B3GALT1: variants seen among roughly 807,000 people sequenced by gnomAD.
B3GALT1 encodes beta-1,3-galactosyltransferase 1, also known as UDP-Gal:betaGlcNAc beta 1,3-galactosyltransferase, polypeptide 1.
In B3GALT1, 10 loss-of-function variants were observed where a neutral mutation model predicts 23.2. The ratio of observed to expected loss-of-function variants is 0.43; its 90% CI spans 0.27 to 0.73. The LOEUF (loss-of-function observed/expected upper bound fraction) is 0.73, where lower values mean the gene tolerates loss of function less well. B3GALT1 is among the 30% of genes least tolerant of loss of function. The pLI is 0.21. For synonymous variants in B3GALT1, 156 were observed against 141.5 expected (o/e 1.10, Z -0.73); for missense variants, 299 against 405.4 (o/e 0.74, Z 2.25).
chr2:167,730,433 T>C (rs961927709), intron 3 of B3GALT1, among the ~76,000 whole-genome samples: 6 of 152,218 alleles, frequency 3.9e-5, no homozygotes, highest in Non-Finnish European at 7.3e-5. Context: ...TACCTAATAT[T>C]TGTCTAGTAC....
intron 3 of B3GALT1, among the ~76,000 whole-genome samples, chr2:167,662,948 G>T (rs1345587991): frequency 9.3e-5 from 14 of 151,182 alleles, no homozygotes; most frequent in African/African-American, 3.4e-4. Context: ...TTTTTTTATT[G>T]TATTTTCTTT....
At chr2:167,450,292 A>G (rs951238503) in intron 1 of B3GALT1, among the ~76,000 whole-genome samples, 2 of 151,240 alleles carry the variant, frequency 1.3e-5, no homozygotes, top group Non-Finnish European at 2.9e-5. Context: ...GTCTAGTTAT[A>G]GTTTCTGTTT....
intron 3 of B3GALT1, among the ~76,000 whole-genome samples, chr2:167,776,644 T>C (rs576382559): frequency 6.6e-6 from 1 of 152,308 alleles, no homozygotes; most frequent in East Asian, 1.9e-4. Flanking sequence ...ACACACTGTT[T>C]GGCAAACATG....
chr2:167,790,184 A>G (rs1386725006), intron 3 of B3GALT1, among the ~76,000 whole-genome samples: 4 of 152,118 alleles, frequency 2.6e-5, no homozygotes, highest in Non-Finnish European at 5.9e-5. Flanking sequence ...CTCTCCTTTT[A>G]CATATCTACT....
intron 2 of B3GALT1, among the ~76,000 whole-genome samples, chr2:167,563,006 T>C (rs1011536043): frequency 2.6e-5 from 4 of 152,050 alleles, no homozygotes; most frequent in Non-Finnish European, 5.9e-5. Context: ...CAGAAGAACC[T>C]CTCTCAGTAC....
At chr2:167,484,917 A>G (rs575111268) in intron 1 of B3GALT1, among the ~76,000 whole-genome samples, 1 of 152,210 alleles carries the variant, frequency 6.6e-6, no homozygotes, top group Non-Finnish European at 1.5e-5. Flanking sequence ...GCAGTCTGTC[A>G]TGTGATGCTA....
chr2:167,527,036 A>G (rs1016885147), intron 2 of B3GALT1, among the ~76,000 whole-genome samples: 1 of 152,150 alleles, frequency 6.6e-6, no homozygotes, highest in Non-Finnish European at 1.5e-5. Flanking sequence ...ATCTTCTAAT[A>G]TATTTCCTTA....
chr2:167,847,889 A>G (rs1689794616), intron 4 of B3GALT1, among the ~76,000 whole-genome samples: 1 of 152,190 alleles, frequency 6.6e-6, no homozygotes, highest in East Asian at 1.9e-4. Flanking sequence ...TAACCTCACT[A>G]AGAAACAAAA....
At chr2:167,332,040 C>T (rs904978772) in intron 1 of B3GALT1, among the ~76,000 whole-genome samples, 1 of 152,200 alleles carries the variant, frequency 6.6e-6, no homozygotes, top group African/African-American at 2.4e-5. Context: ...TGCCATGCTG[C>T]TTCTGCCCTA....
At chr2:167,313,286 G>C (rs760802493) in intron 1 of B3GALT1, among the ~76,000 whole-genome samples, 43 of 152,084 alleles carry the variant, frequency 2.8e-4, no homozygotes, top group Admixed American at 8.5e-4. Flanking sequence ...AAGGCAGAGG[G>C]CATATTTTGA....
At chr2:167,822,242 A>G (rs1324001258) in intron 4 of B3GALT1, among the ~76,000 whole-genome samples, 1 of 152,242 alleles carries the variant, frequency 6.6e-6, no homozygotes, top group Non-Finnish European at 1.5e-5. Context: ...AGAGTTCTCT[A>G]AAAAATAAAT....
chr2:167,590,345 CAAAAA>C (rs397873377), intron 2 of B3GALT1, among the ~76,000 whole-genome samples: 2 of 78,270 alleles, frequency 2.6e-5, no homozygotes, highest in Non-Finnish European at 2.6e-5. Flanking sequence ...GACTCTGTCT[CAAAAA>C]AAAAAAAAAA....
intron 1 of B3GALT1, among the ~76,000 whole-genome samples, chr2:167,410,496 A>C (rs1385715257): frequency 5.6e-3 from 66 of 11,814 alleles, no homozygotes; most frequent in African/African-American, 6.3e-3. Flanking sequence ...ATCTCAAAAA[A>C]AAAAAAAAAA....
At chr2:167,306,600 A>G (rs1298298234) in intron 1 of B3GALT1, among the ~76,000 whole-genome samples, 1 of 151,976 alleles carries the variant, frequency 6.6e-6, no homozygotes, top group Non-Finnish European at 1.5e-5. Flanking sequence ...GAGATTTTTC[A>G]TCTCCTTATA....
chr2:167,544,911 G>A (rs1425368847), intron 2 of B3GALT1, among the ~76,000 whole-genome samples: 1 of 151,338 alleles, frequency 6.6e-6, no homozygotes, highest in Non-Finnish European at 1.5e-5. Flanking sequence ...AAACGCGCAT[G>A]TACCCAGAGT....
At chr2:167,444,501 C>CT (rs1419678667) in intron 1 of B3GALT1, among the ~76,000 whole-genome samples, 1 of 152,088 alleles carries the variant, frequency 6.6e-6, no homozygotes, top group African/African-American at 2.4e-5. Flanking sequence ...TGGTCCTGGA[C>CT]TTTTTTTGGT....
rs549875149 is a variant in B3GALT1 at position 167,610,337 on chromosome 2, G to T, written c.-409-36572G>T. Among the ~76,000 whole-genome samples the T allele has an allele frequency of 1.1e-4, 16 of 152,206 alleles. No homozygotes were observed. The East Asian group carries it at 2.9e-3, about 28-fold the overall frequency. On this transcript the variant is annotated intron_variant, in intron 2 of 4. Coordinates refer to ENST00000392690, the MANE Select transcript of B3GALT1 (RefSeq NM_020981.4). Reference sequence around the variant, plus strand: ...AATGGCCTTCTTTTTGTAATAGGTTGTAATAAGCCTTCTCTTATGCACATT... The same window carrying T: ...AATGGCCTTCTTTTTGTAATAGGTTTTAATAAGCCTTCTCTTATGCACATT...
At chr2:167,351,491 G>A (rs1408503361) in intron 1 of B3GALT1, among the ~76,000 whole-genome samples, 1 of 151,966 alleles carries the variant, frequency 6.6e-6, no homozygotes, top group Non-Finnish European at 1.5e-5. Flanking sequence ...TACTCTTCAT[G>A]GCATCAAAAA....
chr2:167,821,654 C>T (rs1436015188), intron 4 of B3GALT1, among the ~76,000 whole-genome samples: 1 of 151,970 alleles, frequency 6.6e-6, no homozygotes, highest in Non-Finnish European at 1.5e-5. Flanking sequence ...AGGCTGGTCT[C>T]GAACTCTTGA....
Sources: gnomAD v4.1 joint callset for allele counts (sites outside exome capture counted in the v4.1 genomes callset) on GRCh38, gnomAD v4.1.1 for gene constraint, MANE v1.5 for transcripts, NCBI Gene and HGNC (gene_info 2026-07-23, HGNC 2026-07-21) for gene names.